PPP4R4: variants seen among roughly 807,000 people sequenced by gnomAD.
PPP4R4 encodes serine/threonine-protein phosphatase 4 regulatory subunit 4.
A neutral mutation model predicts 121.8 loss-of-function variants in PPP4R4; 70 were observed. That is an observed-to-expected ratio of 0.57 (90% CI 0.47 to 0.70). The LOEUF (loss-of-function observed/expected upper bound fraction) is 0.70. Among genes scored for constraint, PPP4R4 ranks in the 30% least tolerant of loss-of-function variants. The pLI, the probability that PPP4R4 is intolerant of heterozygous loss-of-function variation, is 0.00. For missense variants in PPP4R4, 875 were observed against 1,033.6 expected (o/e 0.85, Z 2.10); for synonymous variants, 348 against 355.7 (o/e 0.98, Z 0.24).
intron 3 of PPP4R4, among the ~76,000 whole-genome samples, chr14:94,221,456 A>T (rs1362586887): frequency 6.6e-6 from 1 of 152,114 alleles, no homozygotes; most frequent in African/African-American, 2.4e-5. Flanking sequence ...TAGATGACAA[A>T]GGACTGTGTT....
intron 18 of PPP4R4, 81 bp from the exon 19 acceptor site, chr14:94,259,214 C>T (rs546998378): frequency 1.3e-6 from 2 of 1,518,392 alleles, no homozygotes; most frequent in Non-Finnish European, 1.8e-6. Context: ...CAAACCATAT[C>T]ATTTATATTG....
chr14:94,277,379 A>G (rs1255953218), intron 24 of PPP4R4, among the ~76,000 whole-genome samples: 1 of 152,164 alleles, frequency 6.6e-6, no homozygotes, highest in Non-Finnish European at 1.5e-5. Flanking sequence ...TCCCAGCAGC[A>G]GCTAAGTGGT....
chr14:94,200,915 C>A (rs997636318), intron 2 of PPP4R4, among the ~76,000 whole-genome samples: 2 of 151,740 alleles, frequency 1.3e-5, no homozygotes, highest in Admixed American at 1.3e-4. Context: ...GAGGTGCGAC[C>A]TCAGCTAGTC....
chr14:94,174,571 C>G lies in PPP4R4; in HGVS notation c.106C>G (p.Arg36Gly). The change falls in exon 1 of 25, where the codon CGG (arginine) becomes GGG (glycine). Residue 36 changes from arginine (R) to glycine (G), a missense_variant. Transcript: ENST00000304338. ...ELTIIERPVR[R>G]SLKTPEEIER... ...CACCATCATCGAGAGGCCGGTCCGC[C>G]GGAGCCTCAAGGTGCGCCCCGGGGA... 1 of 1,611,656 alleles carries G rather than the reference C, an allele frequency of 6.2e-7. No homozygotes were observed. Among genetic ancestry groups the G allele is most frequent in the Non-Finnish European group, 8.5e-7 (1 of 1,179,078 alleles).
chr14:94,184,429 AG>A (rs1263750523), intron 2 of PPP4R4, among the ~76,000 whole-genome samples: 1 of 151,742 alleles, frequency 6.6e-6, no homozygotes, highest in Non-Finnish European at 1.5e-5. Context: ...TAGCTAATTA[AG>A]TTTTTTTTGT....
At chr14:94,219,172 C>T (rs543304480) in intron 3 of PPP4R4, among the ~76,000 whole-genome samples, 19 of 150,692 alleles carry the variant, frequency 1.3e-4, no homozygotes, top group East Asian at 9.8e-4. Flanking sequence ...CTCTGCCTCC[C>T]GGGTTCAAGC....
At chr14:94,224,753 C>T (rs903515593) in intron 3 of PPP4R4, among the ~76,000 whole-genome samples, 4 of 152,016 alleles carry the variant, frequency 2.6e-5, no homozygotes, top group African/African-American at 7.3e-5. Context: ...ATACTCTGAA[C>T]AGGTCTGCCA....
chr14:94,256,812 C>T (rs560180229), intron 17 of PPP4R4, among the ~76,000 whole-genome samples: 7 of 152,248 alleles, frequency 4.6e-5, no homozygotes, highest in African/African-American at 1.7e-4. Flanking sequence ...ACCTGTATTA[C>T]TAGTAATATA....
At chr14:94,206,027 C>G (rs901478655) in intron 2 of PPP4R4, among the ~76,000 whole-genome samples, 2 of 151,828 alleles carry the variant, frequency 1.3e-5, no homozygotes, top group Non-Finnish European at 1.5e-5. Context: ...TTTGCTGATT[C>G]CCTGTGTAGT....
intron 2 of PPP4R4, among the ~76,000 whole-genome samples, chr14:94,200,408 G>A (rs1293758263): frequency 6.6e-6 from 1 of 152,156 alleles, no homozygotes; most frequent in African/African-American, 2.4e-5. Flanking sequence ...TCAATAGGTT[G>A]GTACCAATTC....
intron 15 of PPP4R4, 125 bp downstream of exon 15, chr14:94,250,402 TTTTTA>T: frequency 1.6e-6 from 1 of 622,754 alleles, no homozygotes; most frequent in Non-Finnish European, 2.8e-6. Context: ...TATAAGATGA[TTTTTA>T]TTTTCTAGAA....
intron 9 of PPP4R4, among the ~76,000 whole-genome samples, chr14:94,241,062 T>C (rs1892606607): frequency 6.6e-6 from 1 of 152,160 alleles, no homozygotes; most frequent in South Asian, 2.1e-4. Context: ...TTATGTATTA[T>C]TTGGTATGTG....
At chr14:94,179,786 T>A (rs1888877044) in intron 2 of PPP4R4, among the ~76,000 whole-genome samples, 1 of 152,212 alleles carries the variant, frequency 6.6e-6, no homozygotes, top group Non-Finnish European at 1.5e-5. Flanking sequence ...TGTGTGTGCA[T>A]GTTTTCTTCA....
intron 5 of PPP4R4, among the ~76,000 whole-genome samples, chr14:94,233,195 A>C (rs2139539115): frequency 6.6e-6 from 1 of 152,352 alleles, no homozygotes; most frequent in East Asian, 1.9e-4. Context: ...TACATAATGC[A>C]ATATCAGACT....
At chr14:94,253,510 CT>C (rs1169996481) in intron 16 of PPP4R4, among the ~76,000 whole-genome samples, 1 of 152,182 alleles carries the variant, frequency 6.6e-6, no homozygotes, top group Non-Finnish European at 1.5e-5. Context: ...TCCTAAACAA[CT>C]AATGGGTCCA....
chr14:94,230,803 TA>T (rs1891988580), intron 4 of PPP4R4, 69 bp downstream of exon 4: 2 of 1,467,554 alleles, frequency 1.4e-6, no homozygotes, highest in Non-Finnish European at 9.3e-7. Context: ...TGATATTATA[TA>T]AATACTGTTA....
intron 23 of PPP4R4, 70 bp downstream of exon 23, chr14:94,267,099 A>G (rs1231264250): frequency 5.8e-6 from 6 of 1,032,080 alleles, no homozygotes; most frequent in Admixed American, 2.1e-5. Flanking sequence ...TAAATGACCT[A>G]TTTCTTTAGT....
chr14:94,234,475 G>T, intron 6 of PPP4R4, 87 bp from the exon 7 acceptor site: 1 of 770,402 alleles, frequency 1.3e-6, no homozygotes, highest in Non-Finnish European at 2.1e-6. Flanking sequence ...TATTATTAAG[G>T]TGAGTTAAGA....
chr14:94,203,461 T>C lies in PPP4R4; in HGVS notation c.192-5003T>C, dbSNP rs182923926. Among the ~76,000 whole-genome samples the C allele has an allele frequency of 1.2e-4, 18 of 152,282 alleles. No homozygotes were observed. The East Asian group carries it at 2.3e-3, about 20-fold the overall frequency. On this transcript the variant is annotated intron_variant, in intron 2 of 24. Coordinates refer to ENST00000304338, the MANE Select transcript of PPP4R4 (RefSeq NM_058237.2). The stretch of plus-strand genomic sequence containing the variant: ...ATCCGTTTCTTCACTTAAGGACATA[T>C]CATTGTTTTCATATCTTTTTTTTGT...
Sources: gnomAD v4.1 joint callset for allele counts (sites outside exome capture counted in the v4.1 genomes callset) on GRCh38, gnomAD v4.1.1 for gene constraint, MANE v1.5 for transcripts, NCBI Gene and HGNC (gene_info 2026-07-23, HGNC 2026-07-21) for gene names.